Variants in ERMARD observed in about 807,000 individuals in gnomAD.
ERMARD encodes the protein ER membrane associated RNA degradation, also known as endoplasmic reticulum membrane-associated RNA degradation protein.
ERMARD carries 71 observed loss-of-function variants against 83.9 expected under a neutral mutation model. That is an observed-to-expected ratio of 0.85 (90% confidence interval 0.70 to 1.03). The LOEUF (loss-of-function observed/expected upper bound fraction) is 1.03. ERMARD is among the 50% of genes least tolerant of loss of function. The pLI is 0.00. For missense variants in ERMARD, 838 were observed against 810.9 expected (o/e 1.03, Z -0.41); for synonymous variants, 284 against 298.6 (o/e 0.95, Z 0.50).
At position 169,781,204 on chromosome 6, in the gene ERMARD, T is replaced by C. The variant is rs1794161401; in HGVS notation, c.1854-126T>C. 1.6e-5 allele frequency: 14 copies of C among 850,736 alleles called. No homozygotes were observed. The South Asian group carries it at 2.6e-4, about 16-fold the overall frequency. The allele number at this position is 850,736 out of a possible 1,614,324, so 52.7% of individuals were successfully genotyped here. The stretch of plus-strand genomic sequence containing the variant: ...TTTATTTATACGGATTTATTTTTCT[T>C]GAATCCTCAGACATAAATTAACTGC... On this transcript the variant is annotated intron_variant, in intron 17 of 17. Coordinates refer to ENST00000366773, the MANE Select transcript of ERMARD (RefSeq NM_018341.3).
intron 1 of ERMARD, among the ~76,000 whole-genome samples, chr6:169,752,600 G>A (rs188581991): frequency 0.014 from 2,083 of 152,326 alleles, 43 homozygotes; most frequent in African/African-American, 0.047. Context: ...ACTTCTGGGT[G>A]CAGGAGGAGC....
At chr6:169,769,405 G>A in intron 11 of ERMARD, 135 bp from the exon 12 acceptor site, 1 of 729,218 alleles carries the variant, frequency 1.4e-6, no homozygotes, top group Non-Finnish European at 2.1e-6. Context: ...TAGGAGAAGA[G>A]CTCTCCCCAG....
chr6:169,757,831 T>C (rs1050713857), intron 5 of ERMARD, among the ~76,000 whole-genome samples: 1 of 152,234 alleles, frequency 6.6e-6, no homozygotes, highest in African/African-American at 2.4e-5. Context: ...GTGGAGTGCA[T>C]GGAATGAAGA....
At chr6:169,773,539 G>A (rs1007213987) in intron 13 of ERMARD, 137 bp downstream of exon 13, 11 of 756,764 alleles carry the variant, frequency 1.5e-5, no homozygotes, top group African/African-American at 1.1e-4. Context: ...TAACCAGTGC[G>A]GGGCCTGCTG....
intron 10 of ERMARD, 67 bp from the exon 11 acceptor site, chr6:169,768,036 C>T (rs1478753592): frequency 1.7e-5 from 22 of 1,315,648 alleles, no homozygotes; most frequent in Non-Finnish European, 2.3e-5. Context: ...TATCCATCAA[C>T]TCTGAAAGTT....
At chr6:169,762,977 C>A (rs1455444678) in intron 9 of ERMARD, among the ~76,000 whole-genome samples, 1 of 152,180 alleles carries the variant, frequency 6.6e-6, no homozygotes, top group Non-Finnish European at 1.5e-5. Flanking sequence ...AGCCCTGCAG[C>A]AGGTCATGAA....
intron 13 of ERMARD, among the ~76,000 whole-genome samples, chr6:169,773,775 G>A (rs567642448): frequency 1.3e-5 from 2 of 152,242 alleles, no homozygotes; most frequent in African/African-American, 4.8e-5. Context: ...TCTTCTACAC[G>A]GACTAGCTTT....
chr6:169,751,644 G>T lies in ERMARD; in HGVS notation c.-14G>T. ...TGCGTCATTCACGCGCGCCGCAGCG[G>T]GGCACCGGAAGTTATGGAGGTAGGG... On this transcript the variant is annotated 5_prime_UTR_variant, in exon 1 of 18. Coordinates refer to ENST00000366773, the MANE Select transcript of ERMARD (RefSeq NM_018341.3). 1 of 1,566,682 alleles carries T rather than the reference G, an allele frequency of 6.4e-7. No homozygotes were observed.
upstream of ERMARD, chr6:169,751,342 C>T: frequency 6.2e-7 from 1 of 1,613,856 alleles, no homozygotes. Context: ...CACTCACTGC[C>T]TCCTTCTCGA....
intron 16 of ERMARD, among the ~76,000 whole-genome samples, chr6:169,777,569 T>A (rs553371778): frequency 6.6e-6 from 1 of 152,284 alleles, no homozygotes; most frequent in African/African-American, 2.4e-5. Context: ...CATACAAATA[T>A]TACCAAGCTT....
At chr6:169,756,299 T>G in intron 3 of ERMARD, 39 bp from the exon 4 acceptor site, 1 of 1,294,960 alleles carries the variant, frequency 7.7e-7, no homozygotes, top group Non-Finnish European at 1.1e-6. Flanking sequence ...AGAAGTAGTT[T>G]CAGAGTGTAC....
Position 169,756,459 on chromosome 6 carries a change from C to G in ERMARD, c.417+20C>G. The G allele has an allele frequency of 6.7e-7, 1 of 1,489,030 alleles. No homozygotes were observed. The highest frequency in any genetic ancestry group is 9.2e-7 in the Non-Finnish European group (1 of 1,081,730). 92.2% of individuals were successfully genotyped at this position (1,489,030 alleles called of 1,614,324 possible). A position where few individuals can be genotyped will look rare whatever the true frequency, so the allele number is the denominator to read the frequency against. On this transcript the variant is annotated intron_variant, in intron 4 of 17. Coordinates refer to ENST00000366773, the MANE Select transcript of ERMARD (RefSeq NM_018341.3). ...GGTGATGTAAGTGTGAGAACTCTTT[C>G]ATTATTGGCCCATTAAATTATCTGA... is the stretch of plus-strand genomic sequence containing the variant.
rs373359893 is a variant in ERMARD, at chr6:169,776,453, A to T, written c.1521-2A>T. 1 of 1,612,578 alleles carries T rather than the reference A, an allele frequency of 6.2e-7. No homozygotes were observed. The highest frequency in any genetic ancestry group is 8.5e-7 in the Non-Finnish European group (1 of 1,179,430). On this transcript the variant is annotated splice_acceptor_variant, in intron 15 of 17. Coordinates refer to ENST00000366773, the MANE Select transcript of ERMARD (RefSeq NM_018341.3). LOFTEE classifies it high-confidence loss of function. ...CTGCTCCAAGTCTGGCTCTGTTTGC[A>T]GGTGGCCCCAGCTTCTCCGTGAGCT...
chr6:169,762,373 C>G (rs912673362), intron 8 of ERMARD, 56 bp from the exon 9 acceptor site: 4 of 1,510,738 alleles, frequency 2.6e-6, no homozygotes, highest in Non-Finnish European at 3.7e-6. Context: ...CTGCACCTGG[C>G]CTAATATTTA....
Position 169,751,720 on chromosome 6 carries a change from G to A in ERMARD, c.6+57G>A, listed in dbSNP as rs548303049. 18 of 1,510,750 alleles carry A rather than the reference G, an allele frequency of 1.2e-5. No homozygotes were observed. The South Asian group carries it at 2.2e-4, about 18-fold the overall frequency. The allele number at this position is 1,510,750 out of a possible 1,614,324, so 93.6% of individuals were successfully genotyped here. On this transcript the variant is annotated intron_variant, in intron 1 of 17. Coordinates refer to ENST00000366773, the MANE Select transcript of ERMARD (RefSeq NM_018341.3). The stretch of plus-strand genomic sequence containing the variant: ...GAGCTAGGCAGGGAGTCGGCGCCAG[G>A]CTGGGTGGTGCTCGGCTACGCGGAG...
intron 14 of ERMARD, 70 bp downstream of exon 14, chr6:169,775,416 CTTT>C (rs1793469385): frequency 6.5e-7 from 1 of 1,530,420 alleles, no homozygotes; most frequent in Non-Finnish European, 9.0e-7. Context: ...AGCATTTCTT[CTTT>C]AACGAGGCTG....
At position 169,779,181 on chromosome 6, in the gene ERMARD, G is replaced by T. The variant is rs1031486272; in HGVS notation, c.1740-1G>T. ...TTTAATTTACTTTTATCTGTTTTTA[G>T]TATCAGACTACTGTCCCCTGTGCTC... is the stretch of plus-strand genomic sequence containing the variant. On this transcript the variant is annotated splice_acceptor_variant, in intron 16 of 17. Coordinates refer to ENST00000366773, the MANE Select transcript of ERMARD (RefSeq NM_018341.3). LOFTEE classifies it high-confidence loss of function. The T allele has an allele frequency of 1.2e-5, 19 of 1,612,382 alleles. No homozygotes were observed. Among genetic ancestry groups the T allele is most frequent in the Non-Finnish European group, 1.5e-5 (18 of 1,178,414 alleles).
Position 169,776,511 on chromosome 6 carries a change from C to G in ERMARD, c.1577C>G (p.Pro526Arg). 6.2e-7 allele frequency: 1 copy of G among 1,614,148 alleles called. No homozygotes were observed. Among genetic ancestry groups the G allele is most frequent in the Non-Finnish European group, 8.5e-7 (1 of 1,180,034 alleles). ...ACACCTGTTCCCACCCTGTTCTGCC[C>G]CAGGATTGTGCTGGAAGTGCTGGTT... ...CSTPVPTLFC[P>R]RIVLEVLVVL... The change falls in exon 16 of 18, where the codon CCC (proline) becomes CGC (arginine). Residue 526 changes from proline (P) to arginine (R), a missense_variant. Transcript: ENST00000366773.
intron 1 of ERMARD, chr6:169,753,438 A>C (rs1790409832): frequency 6.5e-6 from 1 of 154,722 alleles, no homozygotes; most frequent in South Asian, 2.0e-4. Flanking sequence ...TCCCCATTTA[A>C]AAAAATTGCT....
Sources: gnomAD v4.1 joint callset for allele counts (sites outside exome capture counted in the v4.1 genomes callset) on GRCh38, gnomAD v4.1.1 for gene constraint, MANE v1.5 for transcripts, NCBI Gene and HGNC (gene_info 2026-07-23, HGNC 2026-07-21) for gene names.